SNX29: variants seen among roughly 807,000 people sequenced by gnomAD.
The protein encoded by SNX29 is sorting nexin 29.
SNX29 carries 78 observed loss-of-function variants against 102.1 expected under a neutral mutation model. The observed-to-expected ratio is 0.76, with a 90% CI of 0.64 to 0.92. The LOEUF is 0.92. Ranked by LOEUF, SNX29 falls within the 40% of genes least tolerant of loss-of-function variation. The pLI, the probability that SNX29 is intolerant of heterozygous loss-of-function variation, is 0.00. For synonymous variants in SNX29, 580 were observed against 414.5 expected, an observed-to-expected ratio of 1.40 and a Z score of -4.85; for missense variants, 1,280 against 1,061.7, an observed-to-expected ratio of 1.21 and a Z score of -2.86.
At chr16:12,236,177 C>T (rs959930800) in intron 14 of SNX29, among the ~76,000 whole-genome samples, 3 of 152,088 alleles carry the variant, frequency 2.0e-5, no homozygotes, top group Non-Finnish European at 4.4e-5. Flanking sequence ...ATCAAATACC[C>T]ATCCACTGTT....
Position 12,118,605 on chromosome 16 carries a change from C to T in SNX29, c.1403-8028C>T, listed in dbSNP as rs536696802. On this transcript the variant is annotated intron_variant, in intron 11 of 20. Coordinates refer to ENST00000566228, the MANE Select transcript of SNX29 (RefSeq NM_032167.5). ...TGTTGGTATGACAGGTGTGAGCCAC[C>T]GTGCCCGCCCTAGAGACCACCTTTT... is the stretch of plus-strand genomic sequence containing the variant. Among the ~76,000 whole-genome samples, 225 of 152,092 alleles carry T rather than the reference C, an allele frequency of 1.5e-3. 1 individual carries two copies. Among genetic ancestry groups the T allele is most frequent in the African/African-American group, 4.8e-3 (197 of 41,472 alleles).
chr16:12,408,297 C>T (rs566875663), intron 18 of SNX29, among the ~76,000 whole-genome samples: 1 of 152,248 alleles, frequency 6.6e-6, no homozygotes, highest in Non-Finnish European at 1.5e-5. Context: ...AGGCTAAGGG[C>T]AGGCCTGCAG....
Position 12,218,169 on chromosome 16 carries a change from T to A in SNX29, c.1678+18486T>A, listed in dbSNP as rs34726686. On this transcript the variant is annotated intron_variant, in intron 14 of 20. Transcript: ENST00000566228. ...ACACTGGAGCTTGTACTTCATACTT[T>A]GATTTTTTAAATAATTTAATACTTT... Among the ~76,000 whole-genome samples the A allele has an allele frequency of 5.8e-3, 878 of 152,302 alleles. 5 individuals are homozygous for A. The highest frequency in any genetic ancestry group is 0.01 in the Middle Eastern group (3 of 294).
chr16:12,192,053 C>T (rs2076655767), intron 13 of SNX29, among the ~76,000 whole-genome samples: 1 of 152,186 alleles, frequency 6.6e-6, no homozygotes, highest in Admixed American at 6.5e-5. Context: ...ATGTACTTAC[C>T]AGGTTCGTTA....
intron 8 of SNX29, among the ~76,000 whole-genome samples, chr16:12,058,199 C>T (rs77981531): frequency 0.016 from 2,362 of 151,942 alleles, 64 homozygotes; most frequent in African/African-American, 0.053. Context: ...AAGAATAGTC[C>T]GCACAGCAGG....
intron 14 of SNX29, among the ~76,000 whole-genome samples, chr16:12,208,441 G>C (rs548705632): frequency 2.6e-5 from 4 of 152,302 alleles, no homozygotes; most frequent in African/African-American, 9.6e-5. Flanking sequence ...AGGTTGTGAG[G>C]ATCTATGGTA....
intron 18 of SNX29, among the ~76,000 whole-genome samples, chr16:12,405,973 A>G (rs889743220): frequency 6.6e-6 from 1 of 152,158 alleles, no homozygotes; most frequent in African/African-American, 2.4e-5. Context: ...CAGAGATTGC[A>G]GTGAGCCGAG....
At chr16:12,170,788 TGA>T (rs1422198694) in intron 13 of SNX29, among the ~76,000 whole-genome samples, 4 of 147,206 alleles carry the variant, frequency 2.7e-5, no homozygotes, top group East Asian at 2.0e-4. Flanking sequence ...TGTGTGAGAG[TGA>T]GAGCACGTGT....
chr16:12,011,981 T>C (rs2056669387), intron 3 of SNX29, among the ~76,000 whole-genome samples: 1 of 152,142 alleles, frequency 6.6e-6, no homozygotes, highest in African/African-American at 2.4e-5. Context: ...CATACCTGTG[T>C]TTTTTGACAA....
Position 12,085,834 on chromosome 16 carries a change from T to C in SNX29, c.1402+6919T>C, listed in dbSNP as rs557924742. 2.4e-4 allele frequency among the ~76,000 whole-genome samples: 36 copies of C among 152,254 alleles called. No individual in the cohort carries two copies. The South Asian group carries it at 7.3e-3, about 31-fold the overall frequency. The stretch of plus-strand genomic sequence containing the variant: ...GAGGTGTAGGTTATATTATTCTCTT[T>C]TGTATAAGAAAATGAGGCTTAGGAG... On this transcript the variant is annotated intron_variant, in intron 11 of 20. Coordinates refer to ENST00000566228, the MANE Select transcript of SNX29 (RefSeq NM_032167.5).
At position 12,570,452 on chromosome 16, in the gene SNX29, G is replaced by C. The variant is rs562726185; in HGVS notation, c.*1823G>C. On this transcript the variant is annotated 3_prime_UTR_variant, in exon 21 of 21. Coordinates refer to ENST00000566228, the MANE Select transcript of SNX29 (RefSeq NM_032167.5). ...TAAATAGAGAGCCCTAATGGACTGA[G>C]GCAGGAAACGTCTAAAAGCTCAATC... 4.2e-6 allele frequency: 1 copy of C among 238,200 alleles called. No homozygotes were observed. Among genetic ancestry groups the C allele is most frequent in the African/African-American group, 2.2e-5 (1 of 45,402 alleles). 14.8% of individuals were successfully genotyped at this position (238,200 alleles called of 1,614,324 possible). A position where few individuals can be genotyped will look rare whatever the true frequency, so the allele number is the denominator to read the frequency against.
intron 13 of SNX29, among the ~76,000 whole-genome samples, chr16:12,155,132 T>C (rs1014394922): frequency 7.9e-5 from 12 of 152,154 alleles, no homozygotes; most frequent in African/African-American, 2.2e-4. Flanking sequence ...CTGCCCCCGT[T>C]GGTTGCCCCA....
chr16:12,074,555 C>G (rs1397671181), intron 10 of SNX29, among the ~76,000 whole-genome samples: 1 of 152,180 alleles, frequency 6.6e-6, no homozygotes, highest in African/African-American at 2.4e-5. Flanking sequence ...GATGGGCTTC[C>G]TTTTGTGGGT....
chr16:12,268,475 G>A (rs2078999433), intron 14 of SNX29, among the ~76,000 whole-genome samples: 1 of 152,190 alleles, frequency 6.6e-6, no homozygotes, highest in Non-Finnish European at 1.5e-5. Flanking sequence ...GCTACAGTGA[G>A]CACTTGAAGA....
At chr16:12,218,206 A>T (rs542064727) in intron 14 of SNX29, among the ~76,000 whole-genome samples, 37 of 152,378 alleles carry the variant, frequency 2.4e-4, no homozygotes, top group African/African-American at 8.2e-4. Flanking sequence ...TTAGATTTTT[A>T]AAAATGAGTA....
intron 14 of SNX29, among the ~76,000 whole-genome samples, chr16:12,273,939 A>G (rs1357618570): frequency 6.6e-6 from 1 of 152,202 alleles, no homozygotes; most frequent in Non-Finnish European, 1.5e-5. Context: ...ATGGCTGAAT[A>G]GTACAACCCT....
At chr16:12,288,811 A>G (rs1331825679) in intron 15 of SNX29, among the ~76,000 whole-genome samples, 2 of 152,084 alleles carry the variant, frequency 1.3e-5, no homozygotes, top group East Asian at 3.8e-4. Flanking sequence ...ATACCTACAG[A>G]TGATGAAGCC....
At chr16:12,037,453 G>A (rs1011120437) in intron 4 of SNX29, among the ~76,000 whole-genome samples, 1 of 151,790 alleles carries the variant, frequency 6.6e-6, no homozygotes, top group African/African-American at 2.4e-5. Context: ...AATTGAAGGC[G>A]GTACCAAAAA....
At chr16:12,341,147 G>T (rs1277579829) in intron 15 of SNX29, among the ~76,000 whole-genome samples, 2 of 152,326 alleles carry the variant, frequency 1.3e-5, no homozygotes, top group Admixed American at 1.3e-4. Context: ...GATTTGAATT[G>T]TATTTGGGGC....
Sources: gnomAD v4.1 joint callset for allele counts (sites outside exome capture counted in the v4.1 genomes callset) on GRCh38, gnomAD v4.1.1 for gene constraint, MANE v1.5 for transcripts, NCBI Gene and HGNC (gene_info 2026-07-23, HGNC 2026-07-21) for gene names.